The following MAGOHB variants were observed in gnomAD, a reference collection of about 807,000 sequenced individuals.
MAGOHB encodes mago homolog B, exon junction complex subunit.
In MAGOHB, 15 loss-of-function variants were observed where a neutral mutation model predicts 20.9. That is an observed-to-expected ratio of 0.72 (90% CI 0.48 to 1.11). MAGOHB has a LOEUF of 1.11. Ranked by LOEUF, MAGOHB falls within the 50% of genes least tolerant of loss-of-function variation. MAGOHB has a pLI of 0.00. For synonymous variants in MAGOHB, 50 were observed against 57.9 expected (o/e 0.86, Z 0.62); for missense variants, 162 against 177.6 (o/e 0.91, Z 0.50).
At chr12:10,609,556 T>C (rs1254104146) in intron 3 of MAGOHB, 3 of 449,154 alleles carry the variant, frequency 6.7e-6, no homozygotes, top group Non-Finnish European at 1.2e-5. Context: ...CAACAGAAAT[T>C]ATTCATAACA....
downstream of MAGOHB, among the ~76,000 whole-genome samples, chr12:10,601,231 C>A (rs1012591726): frequency 6.6e-6 from 1 of 152,050 alleles, no homozygotes. Flanking sequence ...GATACTGTCA[C>A]GTATTGGAGT....
At position 10,606,546 on chromosome 12, in the gene MAGOHB, C is replaced by A. The variant is rs113150660; in HGVS notation, c.348-172G>T. Among the ~76,000 whole-genome samples the A allele has an allele frequency of 1.6e-3, 245 of 151,824 alleles. 1 individual carries two copies. Among genetic ancestry groups the A allele is most frequent in the Non-Finnish European group, 2.7e-3 (180 of 67,884 alleles). ...ACATACAATTAATATCTTTTCTATA[C>A]GAAAAAATAGTTTCTTCATCAGTAT... On this transcript the variant is annotated intron_variant, in intron 4 of 4. Coordinates refer to ENST00000320756, the MANE Select transcript of MAGOHB (RefSeq NM_018048.5).
At chr12:10,601,097 T>C (rs766742785), downstream of MAGOHB, among the ~76,000 whole-genome samples, 6 of 152,198 alleles carry the variant, frequency 3.9e-5, no homozygotes, top group Non-Finnish European at 7.4e-5. Context: ...AGACGGTCCA[T>C]ATCCCTTTAT....
chr12:10,613,591 T>C lies in MAGOHB; in HGVS notation c.-59A>G. 1.8e-6 allele frequency: 2 copies of C among 1,134,634 alleles called. No individual in the cohort carries two copies. Among genetic ancestry groups the C allele is most frequent in the South Asian group, 2.5e-5 (2 of 81,458 alleles). 70.3% of individuals were successfully genotyped at this position (1,134,634 alleles called of 1,614,324 possible). A position where few individuals can be genotyped will look rare whatever the true frequency, so the allele number is the denominator to read the frequency against. On this transcript the variant is annotated 5_prime_UTR_variant, in exon 1 of 5. Transcript: ENST00000320756. The stretch of plus-strand genomic sequence containing the variant: ...CAACGTGTCCCCCGGCGCCTTGCAG[T>C]GACGTCATCGCGCGGAATAAGTGCG...
chr12:10,606,621 T>C lies in MAGOHB; in HGVS notation c.348-247A>G, dbSNP rs1865634459. Reference sequence around the variant, plus strand: ...TATCCTTATGATTGTAATAACCACATCATAAAAATGTCTAATAAAGCAGAA... The same window carrying C: ...TATCCTTATGATTGTAATAACCACACCATAAAAATGTCTAATAAAGCAGAA... On this transcript the variant is annotated intron_variant, in intron 4 of 4. Coordinates refer to ENST00000320756, the MANE Select transcript of MAGOHB (RefSeq NM_018048.5). Among the ~76,000 whole-genome samples, 4 of 151,244 alleles carry C rather than the reference T, an allele frequency of 2.6e-5. No individual in the cohort carries two copies. The South Asian group carries it at 8.3e-4, about 31-fold the overall frequency.
At chr12:10,603,920 G>C (rs568807357), downstream of MAGOHB, among the ~76,000 whole-genome samples, 53 of 152,240 alleles carry the variant, frequency 3.5e-4, 1 homozygote, top group South Asian at 7.7e-3. Context: ...AAATCAAAAC[G>C]AAGTAGTCTA....
chr12:10,609,550 A>C, intron 3 of MAGOHB: 2 of 442,524 alleles, frequency 4.5e-6, no homozygotes, highest in Non-Finnish European at 8.3e-6. Flanking sequence ...AACACACAAC[A>C]GAAATTATTC....
At chr12:10,613,052 C>A in intron 1 of MAGOHB, 1 of 836,522 alleles carries the variant, frequency 1.2e-6, no homozygotes, top group South Asian at 1.6e-5. Context: ...GGGCTCCTCC[C>A]CTTCAAAGAA....
chr12:10,604,191 G>C (rs1276284866), downstream of MAGOHB: 1 of 152,274 alleles, frequency 6.6e-6, no homozygotes, highest in South Asian at 2.1e-4. Flanking sequence ...GAAAAAGTCT[G>C]ATTATTTCAA....
chr12:10,613,567 A>T lies in MAGOHB; in HGVS notation c.-35T>A. 2 of 1,448,974 alleles carry T rather than the reference A, an allele frequency of 1.4e-6. No individual in the cohort carries two copies. Among genetic ancestry groups the T allele is most frequent in the African/African-American group, 1.4e-5 (1 of 71,828 alleles). The allele number at this position is 1,448,974 out of a possible 1,614,324, so 89.8% of individuals were successfully genotyped here. A position where few individuals can be genotyped will look rare whatever the true frequency, so the allele number is the denominator to read the frequency against. On this transcript the variant is annotated 5_prime_UTR_variant, in exon 1 of 5. Coordinates refer to ENST00000320756, the MANE Select transcript of MAGOHB (RefSeq NM_018048.5). ...CGGGAAGCCCGCCGAAAACGCAGCCAACGTGTCCCCCGGCGCCTTGCAGTG... is the reference window on the plus strand; with the variant it reads ...CGGGAAGCCCGCCGAAAACGCAGCCTACGTGTCCCCCGGCGCCTTGCAGTG...
intron 2 of MAGOHB, 36 bp downstream of exon 2, chr12:10,610,577 CAAAAAAAAA>C: frequency 1.0e-4 from 74 of 724,804 alleles, no homozygotes; most frequent in Non-Finnish European, 1.1e-4. Flanking sequence ...GGGCTAAATG[CAAAAAAAAA>C]AAAAAAAAAA....
chr12:10,610,502 G>A (rs1865705804), intron 2 of MAGOHB, 120 bp downstream of exon 2: 9 of 1,136,412 alleles, frequency 7.9e-6, no homozygotes, highest in Non-Finnish European at 9.5e-6. Flanking sequence ...TCTATAAATT[G>A]CCTTCTTCTT....
At chr12:10,603,427 A>G (rs1049379641), downstream of MAGOHB, among the ~76,000 whole-genome samples, 9 of 152,050 alleles carry the variant, frequency 5.9e-5, no homozygotes, top group Non-Finnish European at 2.9e-5. Context: ...TAAGTTTAAC[A>G]TACATTGTCC....
chr12:10,612,195 CATA>C (rs1208493260), intron 1 of MAGOHB, among the ~76,000 whole-genome samples: 1 of 31,994 alleles, frequency 3.1e-5, no homozygotes, highest in Non-Finnish European at 1.1e-4. Flanking sequence ...CAAAAAATAA[CATA>C]ACATAACATA....
At chr12:10,602,887 C>A (rs769445415), downstream of MAGOHB, among the ~76,000 whole-genome samples, 3 of 152,096 alleles carry the variant, frequency 2.0e-5, no homozygotes, top group Non-Finnish European at 4.4e-5. Flanking sequence ...CTTCCTGCCC[C>A]AGACTAAAAT....
chr12:10,600,910 C>T (rs1332260691), downstream of MAGOHB, among the ~76,000 whole-genome samples: 1 of 152,074 alleles, frequency 6.6e-6, no homozygotes, highest in Non-Finnish European at 1.5e-5. Context: ...TCCCTGAAGT[C>T]GGCCACATCA....
chr12:10,611,698 A>C (rs151334264), intron 1 of MAGOHB, among the ~76,000 whole-genome samples: 2 of 140,068 alleles, frequency 1.4e-5, no homozygotes, highest in African/African-American at 5.2e-5. Context: ...CAGTGAGCCG[A>C]GATCGCACCA....
downstream of MAGOHB, among the ~76,000 whole-genome samples, chr12:10,600,671 A>C (rs1387186332): frequency 2.6e-5 from 4 of 152,158 alleles, no homozygotes; most frequent in Non-Finnish European, 1.5e-5. Flanking sequence ...TATATCGAAG[A>C]CTTGAAAAAA....
At chr12:10,601,413 A>G (rs1865553972), downstream of MAGOHB, among the ~76,000 whole-genome samples, 1 of 152,216 alleles carries the variant, frequency 6.6e-6, no homozygotes, top group Admixed American at 6.5e-5. Flanking sequence ...ACAGAGCACA[A>G]TGGACCGTGA....
Sources: allele counts gnomAD v4.1 joint callset (sites outside exome capture counted in the v4.1 genomes callset), GRCh38; gene constraint gnomAD v4.1.1; transcripts MANE v1.5; gene names NCBI Gene and HGNC (gene_info 2026-07-23, HGNC 2026-07-21).